The following ALDH9A1 variants were observed in gnomAD, a reference collection of about 807,000 sequenced individuals.
ALDH9A1 encodes the protein aldehyde dehydrogenase 9 family member A1.
A neutral mutation model predicts 56.6 loss-of-function variants in ALDH9A1; 42 were observed. That is an observed-to-expected ratio of 0.74 (90% CI 0.58 to 0.96). ALDH9A1 has a LOEUF of 0.96. Ranked by LOEUF, ALDH9A1 falls within the 40% of genes least tolerant of loss-of-function variation. The pLI, the probability that ALDH9A1 is intolerant of heterozygous loss-of-function variation, is 0.00. For missense variants in ALDH9A1, 661 were observed against 651.5 expected, an observed-to-expected ratio of 1.01 and a Z score of -0.16; for synonymous variants, 242 against 236.0, an observed-to-expected ratio of 1.03 and a Z score of -0.23.
At chr1:165,676,140 A>G (rs893261318) in intron 6 of ALDH9A1, among the ~76,000 whole-genome samples, 2 of 152,210 alleles carry the variant, frequency 1.3e-5, no homozygotes, top group African/African-American at 4.8e-5. Flanking sequence ...GCACAGACAT[A>G]TATACAAACA....
At chr1:165,682,775 T>C (rs1332146779) in intron 3 of ALDH9A1, 1 of 570,102 alleles carries the variant, frequency 1.8e-6, no homozygotes, top group East Asian at 3.0e-5. Flanking sequence ...CTATCTCATT[T>C]AATCCTTAAC....
rs188983278 is a variant in ALDH9A1 at position 165,670,165 on chromosome 1, G to T, written c.931-715C>A. ...TAAAATAAGAAATCAGGGCGCAGTG[G>T]CTCACATCTGTAATCCCAGCACTTT... is the stretch of plus-strand genomic sequence containing the variant. On this transcript the variant is annotated intron_variant, in intron 6 of 10. Transcript: ENST00000354775. Among the ~76,000 whole-genome samples, 98 of 152,312 alleles carry T rather than the reference G, an allele frequency of 6.4e-4. 3 individuals carry two copies. The highest frequency in any genetic ancestry group is 2.1e-3 in the African/African-American group (89 of 41,562).
At chr1:165,690,817 G>A (rs1166478972) in intron 2 of ALDH9A1, among the ~76,000 whole-genome samples, 2 of 152,192 alleles carry the variant, frequency 1.3e-5, no homozygotes, top group Non-Finnish European at 2.9e-5. Flanking sequence ...GGGGAGGGGC[G>A]TCTGCCATTC....
In ALDH9A1 at chr1:165,662,566, T is replaced by TG. The variant is rs1648875440; in HGVS notation, c.*483dup. On this transcript the variant is annotated 3_prime_UTR_variant, in exon 11 of 11. Coordinates refer to ENST00000354775, the MANE Select transcript of ALDH9A1 (RefSeq NM_000696.4). The stretch of plus-strand genomic sequence containing the variant: ...CCTATAAAGGAACAAGGTTTTTTTT[T>TG]GTTTTTTGTTTTTTTTCTTCAAGAC... 1 of 153,604 alleles carries TG rather than the reference T, an allele frequency of 6.5e-6. No individual in the cohort carries two copies. Among genetic ancestry groups the TG allele is most frequent in the South Asian group, 2.0e-4 (1 of 4,900 alleles). 9.5% of individuals were successfully genotyped at this position (153,604 alleles called of 1,614,324 possible). A position where few individuals can be genotyped will look rare whatever the true frequency, so the allele number is the denominator to read the frequency against.
intron 6 of ALDH9A1, among the ~76,000 whole-genome samples, chr1:165,673,862 G>A (rs6667075): frequency 0.016 from 2,437 of 152,038 alleles, 39 homozygotes; most frequent in Middle Eastern, 0.024. Context: ...CTTAAGTAGG[G>A]GCTGGGTAAA....
At chr1:165,684,681 T>C (rs1480304852) in intron 2 of ALDH9A1, among the ~76,000 whole-genome samples, 5 of 152,308 alleles carry the variant, frequency 3.3e-5, no homozygotes, top group South Asian at 2.1e-4. Flanking sequence ...TTGAATAAAG[T>C]GATGAATCAG....
At chr1:165,666,854 CTAT>C (rs1649025306) in intron 9 of ALDH9A1, among the ~76,000 whole-genome samples, 1 of 152,126 alleles carries the variant, frequency 6.6e-6, no homozygotes, top group South Asian at 2.1e-4. Flanking sequence ...AATCATATTA[CTAT>C]AATATTTAAA....
In ALDH9A1 at chr1:165,669,311, C is replaced by T. The variant is rs139040317; in HGVS notation, c.1070G>A (p.Arg357Gln). The part of the protein sequence containing the change: ...EDTRMGPLIN[R>Q]PHLERVLGFV... Reference sequence around the variant, plus strand: ...CCCAAGGACTCGCTCCAGGTGTGGTCGGTTGATGAGTGGACCCATCCTTGT... The same window carrying T: ...CCCAAGGACTCGCTCCAGGTGTGGTTGGTTGATGAGTGGACCCATCCTTGT... The change falls in exon 7 of 11, where the codon CGA (arginine) becomes CAA (glutamine). Residue 357 changes from arginine to glutamine, a missense_variant. Physicochemically the swap from Arg to Gln is conservative, Grantham distance 43 (BLOSUM62 1). Transcript: ENST00000354775. 1,427 of 1,613,416 alleles carry T rather than the reference C, an allele frequency of 8.8e-4. 10 individuals carry two copies. In the Middle Eastern group the frequency reaches 0.012, roughly 13 times the overall value.
At chr1:165,669,126 GCAGAACA>G in intron 7 of ALDH9A1, 113 bp from the exon 8 acceptor site, 1 of 1,309,126 alleles carries the variant, frequency 7.6e-7, no homozygotes, top group Non-Finnish European at 1.1e-6. Flanking sequence ...CAGGTACAAA[GCAGAACA>G]CAGCCAGGGA....
chr1:165,697,691 T>C (rs538299486), intron 1 of ALDH9A1, among the ~76,000 whole-genome samples: 89 of 152,290 alleles, frequency 5.8e-4, no homozygotes, highest in African/African-American at 2.1e-3. Context: ...TCCTCTCCTA[T>C]GCACACATTT....
chr1:165,666,081 T>G, intron 9 of ALDH9A1, among the ~76,000 whole-genome samples: 1 of 152,204 alleles, frequency 6.6e-6, no homozygotes, highest in East Asian at 1.9e-4. Flanking sequence ...GGGAATAAAG[T>G]ACTGATAAAT....
At chr1:165,691,256 G>A (rs902801356) in intron 2 of ALDH9A1, among the ~76,000 whole-genome samples, 3 of 152,242 alleles carry the variant, frequency 2.0e-5, no homozygotes, top group Admixed American at 6.5e-5. Flanking sequence ...AGGGTCTGGA[G>A]TGGACCTCCA....
At chr1:165,698,327 C>CCG (rs1174654288) in intron 1 of ALDH9A1, 51 bp downstream of exon 1, 40 of 1,547,038 alleles carry the variant, frequency 2.6e-5, no homozygotes, top group Non-Finnish European at 3.2e-5. Context: ...GCCGGGAAAT[C>CCG]CGCGCATCCG....
intron 6 of ALDH9A1, chr1:165,676,623 A>G (rs1393561496): frequency 2.7e-5 from 9 of 330,022 alleles, no homozygotes; most frequent in Non-Finnish European, 5.2e-5. Flanking sequence ...AGCTTCTGAA[A>G]TGCATGAAAG....
At chr1:165,688,345 G>A (rs2101753404) in intron 2 of ALDH9A1, among the ~76,000 whole-genome samples, 1 of 152,192 alleles carries the variant, frequency 6.6e-6, no homozygotes, top group South Asian at 2.1e-4. Context: ...GAAAAGAAAT[G>A]CTGAAGAAAT....
intron 2 of ALDH9A1, among the ~76,000 whole-genome samples, chr1:165,683,331 A>G (rs4656457): frequency 0.67 from 102,593 of 152,054 alleles, 35,016 homozygotes; most frequent in East Asian, 0.98. Context: ...ATTTAAGACC[A>G]CTACTTTATT....
chr1:165,678,375 A>C (rs947826773), intron 6 of ALDH9A1, among the ~76,000 whole-genome samples: 3 of 152,120 alleles, frequency 2.0e-5, no homozygotes, highest in African/African-American at 7.2e-5. Context: ...AAAATAAATA[A>C]ATAATGATAG....
chr1:165,675,085 C>T (rs1455983985), intron 6 of ALDH9A1, among the ~76,000 whole-genome samples: 1 of 152,102 alleles, frequency 6.6e-6, no homozygotes, highest in Non-Finnish European at 1.5e-5. Context: ...GTCCCAGCTA[C>T]TTGGGAGGGT....
intron 1 of ALDH9A1, among the ~76,000 whole-genome samples, chr1:165,696,835 A>G (rs1650103713): frequency 6.6e-6 from 1 of 152,228 alleles, no homozygotes; most frequent in African/African-American, 2.4e-5. Context: ...AGGATCACAC[A>G]CACTGTAGGC....
Sources: gnomAD v4.1 joint callset for allele counts (sites outside exome capture counted in the v4.1 genomes callset) on GRCh38, gnomAD v4.1.1 for gene constraint, MANE v1.5 for transcripts, NCBI Gene and HGNC (gene_info 2026-07-23, HGNC 2026-07-21) for gene names.